The following NEGR1 variants were observed in gnomAD, a reference collection of about 807,000 sequenced individuals.
The protein encoded by NEGR1 is neuronal growth regulator 1.
Under a neutral mutation model 40.9 loss-of-function variants are expected in NEGR1, and 10 were observed. That is an observed-to-expected ratio of 0.24 (90% CI 0.15 to 0.42). The LOEUF (loss-of-function observed/expected upper bound fraction) is 0.42. Ranked by LOEUF, NEGR1 falls within the 10% of genes least tolerant of loss-of-function variation. The pLI, the probability that NEGR1 is intolerant of heterozygous loss-of-function variation, is 1.00. For missense variants in NEGR1, 352 were observed against 438.9 expected, an observed-to-expected ratio of 0.80 and a Z score of 1.77; for synonymous variants, 185 against 166.8, an observed-to-expected ratio of 1.11 and a Z score of -0.84.
chr1:71,753,320 A>G (rs979088668), intron 3 of NEGR1, among the ~76,000 whole-genome samples: 3 of 152,168 alleles, frequency 2.0e-5, no homozygotes, highest in Non-Finnish European at 4.4e-5. Flanking sequence ...ATTCAAATAT[A>G]TTAGGCACAT....
intron 5 of NEGR1, among the ~76,000 whole-genome samples, chr1:71,607,731 G>C (rs964679286): frequency 1.3e-5 from 2 of 151,938 alleles, no homozygotes; most frequent in African/African-American, 4.8e-5. Context: ...GTATCGCTCT[G>C]TCTCCAGGCT....
intron 1 of NEGR1, among the ~76,000 whole-genome samples, chr1:72,273,343 T>C (rs187968327): frequency 6.6e-6 from 1 of 152,102 alleles, no homozygotes; most frequent in African/African-American, 2.4e-5. Flanking sequence ...GAAGGCTCCA[T>C]AAGTCGAGGT....
chr1:72,181,028 G>A (rs115741421), intron 1 of NEGR1, among the ~76,000 whole-genome samples: 6 of 152,076 alleles, frequency 3.9e-5, no homozygotes, highest in Non-Finnish European at 8.8e-5. Context: ...TGATGGTGTT[G>A]ACTGTAGTGT....
At chr1:72,142,117 C>T (rs1049912848) in intron 1 of NEGR1, among the ~76,000 whole-genome samples, 1 of 151,834 alleles carries the variant, frequency 6.6e-6, no homozygotes, top group African/African-American at 2.4e-5. Flanking sequence ...TGGAGAAGGC[C>T]CGTACTTCAT....
At chr1:72,009,197 T>C (rs1469911724) in intron 1 of NEGR1, among the ~76,000 whole-genome samples, 4 of 152,074 alleles carry the variant, frequency 2.6e-5, no homozygotes, top group Non-Finnish European at 4.4e-5. Flanking sequence ...ACAAATTTAA[T>C]ATTTTGTTGC....
chr1:71,794,111 T>C (rs926404804), intron 2 of NEGR1: 2 of 152,154 alleles, frequency 1.3e-5, no homozygotes, highest in Non-Finnish European at 2.9e-5. Flanking sequence ...TGCTAATAGA[T>C]AACTTGTCTT....
intron 4 of NEGR1, among the ~76,000 whole-genome samples, chr1:71,654,790 C>T (rs1651826576): frequency 6.6e-6 from 1 of 152,066 alleles, no homozygotes; most frequent in African/African-American, 2.4e-5. Context: ...AAAGTTTTGA[C>T]ATTATGGGTT....
intron 2 of NEGR1, among the ~76,000 whole-genome samples, chr1:71,839,125 G>C (rs1331214898): frequency 6.7e-6 from 1 of 148,892 alleles, no homozygotes; most frequent in African/African-American, 2.5e-5. Context: ...GAAAGAACAA[G>C]GGGTCCCATG....
chr1:71,590,589 T>C (rs2101518307), intron 6 of NEGR1, among the ~76,000 whole-genome samples: 1 of 152,228 alleles, frequency 6.6e-6, no homozygotes, highest in East Asian at 1.9e-4. Context: ...AAGGTTTTGC[T>C]TTGTCACTAA....
chr1:71,938,394 G>A (rs1302286455), intron 1 of NEGR1, among the ~76,000 whole-genome samples: 13 of 142,950 alleles, frequency 9.1e-5, no homozygotes. Flanking sequence ...ACACACAGCT[G>A]TATGCATGTG....
chr1:72,119,217 G>A (rs974130237), intron 1 of NEGR1, among the ~76,000 whole-genome samples: 14 of 151,924 alleles, frequency 9.2e-5, no homozygotes, highest in Non-Finnish European at 2.9e-5. Context: ...GGAAGAAAGT[G>A]AGCATTAATA....
chr1:72,152,118 A>G (rs898570165), intron 1 of NEGR1, among the ~76,000 whole-genome samples: 1 of 151,946 alleles, frequency 6.6e-6, no homozygotes, highest in African/African-American at 2.4e-5. Flanking sequence ...ATTACATATT[A>G]GAACTTAAGC....
At chr1:71,917,943 C>G (rs926641047) in intron 2 of NEGR1, among the ~76,000 whole-genome samples, 24 of 145,344 alleles carry the variant, frequency 1.7e-4, no homozygotes, top group Admixed American at 1.6e-3. Flanking sequence ...TCATGCCTGG[C>G]GTGGTGGCTC....
intron 6 of NEGR1, among the ~76,000 whole-genome samples, chr1:71,423,342 C>G (rs917833141): frequency 1.3e-5 from 2 of 152,096 alleles, no homozygotes; most frequent in Non-Finnish European, 2.9e-5. Context: ...CTGCTGTGAG[C>G]TCTAATTGCA....
intron 1 of NEGR1, among the ~76,000 whole-genome samples, chr1:72,232,052 T>A (rs1654383076): frequency 6.6e-6 from 1 of 152,040 alleles, no homozygotes; most frequent in Non-Finnish European, 1.5e-5. Flanking sequence ...AGCCTTGGAA[T>A]CTTTATTTTA....
At chr1:72,258,266 A>G (rs1408192385) in intron 1 of NEGR1, among the ~76,000 whole-genome samples, 2 of 152,188 alleles carry the variant, frequency 1.3e-5, no homozygotes, top group African/African-American at 4.8e-5. Flanking sequence ...GGATACTGCT[A>G]AACATCATCA....
At chr1:71,585,925 A>G (rs1462793388) in intron 6 of NEGR1, among the ~76,000 whole-genome samples, 1 of 152,062 alleles carries the variant, frequency 6.6e-6, no homozygotes, top group Non-Finnish European at 1.5e-5. Context: ...TGAATTATAC[A>G]TGAGAAGGAC....
At chr1:71,507,707 T>G (rs1336223167) in intron 6 of NEGR1, among the ~76,000 whole-genome samples, 1 of 152,114 alleles carries the variant, frequency 6.6e-6, no homozygotes, top group African/African-American at 2.4e-5. Flanking sequence ...GTACCTAGAT[T>G]TGGCCTGGTG....
chr1:72,110,209 C>T (rs1357283659), intron 1 of NEGR1, among the ~76,000 whole-genome samples: 3 of 106,164 alleles, frequency 2.8e-5, no homozygotes, highest in Non-Finnish European at 5.4e-5. Flanking sequence ...TACCCTAAAA[C>T]TTAGAGTATA....
Sources: gnomAD v4.1 joint callset for allele counts (sites outside exome capture counted in the v4.1 genomes callset) on GRCh38, gnomAD v4.1.1 for gene constraint, MANE v1.5 for transcripts, NCBI Gene and HGNC (gene_info 2026-07-23, HGNC 2026-07-21) for gene names.